The following SV2A variants were observed in gnomAD, a reference collection of about 807,000 sequenced individuals.
SV2A encodes the protein solute carrier family 22 member B1.
SV2A carries 25 observed loss-of-function variants against 78.0 expected under a neutral mutation model. That is an observed-to-expected ratio of 0.32 (90% CI 0.23 to 0.45). The LOEUF (loss-of-function observed/expected upper bound fraction) is 0.45. SV2A is among the 20% of genes least tolerant of loss of function. SV2A has a pLI of 1.00. For synonymous variants in SV2A, 355 were observed against 384.7 expected (o/e 0.92, Z 0.90); for missense variants, 752 against 971.5 (o/e 0.77, Z 3.00).
At chr1:149,909,148 C>A in intron 8 of SV2A, 44 bp downstream of exon 8, 1 of 1,586,808 alleles carries the variant, frequency 6.3e-7, no homozygotes, top group Admixed American at 1.7e-5. Flanking sequence ...AGCCCACACA[C>A]CACCACAACC....
intron 8 of SV2A, among the ~76,000 whole-genome samples, chr1:149,908,595 C>T (rs2092454242): frequency 6.6e-6 from 1 of 152,140 alleles, no homozygotes; most frequent in African/African-American, 2.4e-5. Context: ...TGCCCTTCCC[C>T]CACCCTTCTC....
In SV2A at chr1:149,910,496, C is replaced by T. The variant is rs2092468504; in HGVS notation, c.1089+74G>A. The T allele has an allele frequency of 1.4e-6, 2 of 1,469,796 alleles. No homozygotes were observed. Among genetic ancestry groups the T allele is most frequent in the Admixed American group, 2.6e-5 (1 of 37,972 alleles). 91.0% of individuals were successfully genotyped at this position (1,469,796 alleles called of 1,614,324 possible). A position where few individuals can be genotyped will look rare whatever the true frequency, so the allele number is the denominator to read the frequency against. ...AATCAAACTCCAGTTGGTGTTTGAACACAGAAGCCCCTGCTGCCGTCCACA... is the reference window on the plus strand; with the variant it reads ...AATCAAACTCCAGTTGGTGTTTGAATACAGAAGCCCCTGCTGCCGTCCACA... On this transcript the variant is annotated intron_variant, in intron 5 of 12. Coordinates refer to ENST00000369146, the MANE Select transcript of SV2A (RefSeq NM_014849.5). This position sits in a 1 kb window ranked among gnomAD's most constrained non-coding sequence, Gnocchi z 4.2.
In SV2A at chr1:149,913,963, A is replaced by C. The variant is rs1348811689; in HGVS notation, c.-123T>G. The C allele has an allele frequency of 1.1e-5, 16 of 1,435,534 alleles. No individual in the cohort carries two copies. Among genetic ancestry groups the C allele is most frequent in the African/African-American group, 1.4e-5 (1 of 70,214 alleles). The allele number at this position is 1,435,534 out of a possible 1,614,324, so 88.9% of individuals were successfully genotyped here. A position where few individuals can be genotyped will look rare whatever the true frequency, so the allele number is the denominator to read the frequency against. ...CAGTTACTTAGATGAAGCGTGTTCCAGTATCTCTGGGCACAAAAAAAAGAG... is the reference window on the plus strand; with the variant it reads ...CAGTTACTTAGATGAAGCGTGTTCCCGTATCTCTGGGCACAAAAAAAAGAG... On this transcript the variant is annotated 5_prime_UTR_variant, in exon 2 of 13. Transcript: ENST00000369146.
At chr1:149,906,617 A>T in intron 11 of SV2A, 33 bp downstream of exon 11, 2 of 1,610,716 alleles carry the variant, frequency 1.2e-6, no homozygotes, top group Non-Finnish European at 1.7e-6. Flanking sequence ...CCTGGCCCCT[A>T]CTATCAGATC....
chr1:149,910,823 C>T lies in SV2A; in HGVS notation c.955+3G>A. Reference sequence around the variant, plus strand: ...CTGGGGTGGATTTCCGGGGGCTGCTCACCATAGTGGGGGATGATGGCCCAG... The same window carrying T: ...CTGGGGTGGATTTCCGGGGGCTGCTTACCATAGTGGGGGATGATGGCCCAG... On this transcript the variant is annotated splice_donor_region_variant and intron_variant, in intron 4 of 12. Coordinates refer to ENST00000369146, the MANE Select transcript of SV2A (RefSeq NM_014849.5). The surrounding 1 kb of genome is among the most constrained non-coding windows in gnomAD (Gnocchi z 4.2). 1 of 1,613,682 alleles carries T rather than the reference C, an allele frequency of 6.2e-7. No individual in the cohort carries two copies. The highest frequency in any genetic ancestry group is 8.5e-7 in the Non-Finnish European group (1 of 1,179,674).
At chr1:149,908,716 C>T (rs1340453621) in intron 8 of SV2A, among the ~76,000 whole-genome samples, 1 of 152,316 alleles carries the variant, frequency 6.6e-6, no homozygotes, top group East Asian at 1.9e-4. Context: ...CGACTCACTG[C>T]AACCTCTGCC....
chr1:149,907,637 G>C (rs182089772), intron 10 of SV2A, 63 bp downstream of exon 10: 9 of 1,565,428 alleles, frequency 5.7e-6, no homozygotes, highest in East Asian at 2.3e-5. Context: ...AATGAAAAAG[G>C]TTCCTTCTCA....
rs781795785 is a variant in SV2A at position 149,913,844 on chromosome 1, G to A, written c.-4C>T. 5 of 1,595,990 alleles carry A rather than the reference G, an allele frequency of 3.1e-6. No individual in the cohort carries two copies. The highest frequency in any genetic ancestry group is 4.3e-6 in the Non-Finnish European group (5 of 1,169,138). Reference sequence around the variant, plus strand: ...GGTCTCGGAAGCCCTCTTCCATGATGGGGCTTGGGGCACTTCACTGGGTCT... The same window carrying A: ...GGTCTCGGAAGCCCTCTTCCATGATAGGGCTTGGGGCACTTCACTGGGTCT... On this transcript the variant is annotated 5_prime_UTR_variant, in exon 2 of 13. Coordinates refer to ENST00000369146, the MANE Select transcript of SV2A (RefSeq NM_014849.5).
chr1:149,910,514 C>A lies in SV2A; in HGVS notation c.1089+56G>T. The A allele has an allele frequency of 6.6e-7, 1 of 1,506,056 alleles. No individual in the cohort carries two copies. Among genetic ancestry groups the A allele is most frequent in the South Asian group, 1.3e-5 (1 of 75,118 alleles). 93.3% of individuals were successfully genotyped at this position (1,506,056 alleles called of 1,614,324 possible). A position where few individuals can be genotyped will look rare whatever the true frequency, so the allele number is the denominator to read the frequency against. On this transcript the variant is annotated intron_variant, in intron 5 of 12. Transcript: ENST00000369146. This position sits in a 1 kb window ranked among gnomAD's most constrained non-coding sequence, Gnocchi z 4.2. The stretch of plus-strand genomic sequence containing the variant: ...GTTTGAACACAGAAGCCCCTGCTGC[C>A]GTCCACACTCCACAGCCCGCACCCC...
Position 149,913,847 on chromosome 1 carries a change from G to C in SV2A, c.-7C>G, listed in dbSNP as rs782446876. On this transcript the variant is annotated 5_prime_UTR_variant, in exon 2 of 13. Transcript: ENST00000369146. ...CTCGGAAGCCCTCTTCCATGATGGG[G>C]CTTGGGGCACTTCACTGGGTCTTCT... is the stretch of plus-strand genomic sequence containing the variant. 1.9e-5 allele frequency: 31 copies of C among 1,596,000 alleles called. No homozygotes were observed. In the African/African-American group the frequency reaches 3.0e-4, roughly 15 times the overall value.
At position 149,910,613 on chromosome 1, in the gene SV2A, C is replaced by G. The variant is rs782116542; in HGVS notation, c.1046G>C (p.Gly349Ala). 9.4e-5 allele frequency: 151 copies of G among 1,613,162 alleles called. 1 individual carries two copies. The South Asian group carries it at 1.6e-3, about 18-fold the overall frequency. ...GCTCTCAGGCTGCGTGGTCAGAGCC[C>G]CAATGGCAAACACAGAAGGAAAGGC... ...VCAFPSVFAI[G>A]ALTTQPESPR... Residue 349 changes from glycine to alanine, a missense_variant, in exon 5 of 13, where the codon GGG (glycine) becomes GCG (alanine). Physicochemically the swap from Gly to Ala is moderately conservative, Grantham distance 60. Transcript: ENST00000369146. This position sits in a 1 kb window ranked among gnomAD's most constrained non-coding sequence, Gnocchi z 4.2.
intron 1 of SV2A, among the ~76,000 whole-genome samples, chr1:149,917,283 G>GCCCCCCC (rs587740146): frequency 6.7e-6 from 1 of 149,734 alleles, no homozygotes; most frequent in African/African-American, 2.5e-5. Context: ...TTCTTCCCCT[G>GCCCCCCC]CCCCCCACCC....
chr1:149,909,474 C>A lies in SV2A; in HGVS notation c.1277G>T (p.Ser426Ile). 6.2e-7 allele frequency: 1 copy of A among 1,613,846 alleles called. No individual in the cohort carries two copies. Among genetic ancestry groups the A allele is most frequent in the Non-Finnish European group, 8.5e-7 (1 of 1,179,884 alleles). ...WYQRWGVRALSLGGQVWGNFL... is the reference protein window; with the variant it reads ...WYQRWGVRALILGGQVWGNFL... The stretch of plus-strand genomic sequence containing the variant: ...GTCCACCATTACCTGCCCCCCTAGG[C>A]TCAAGGCCCGGACCCCCCAGCGCTG... Residue 426 changes from serine (S) to isoleucine (I), a missense_variant, in exon 7 of 13, where the codon AGC becomes ATC. Ser to Ile is a moderately radical substitution (Grantham distance 142). Transcript: ENST00000369146.
intron 1 of SV2A, among the ~76,000 whole-genome samples, chr1:149,914,488 A>G (rs1261858957): frequency 6.6e-6 from 1 of 152,190 alleles, no homozygotes; most frequent in Non-Finnish European, 1.5e-5. Context: ...GCAAAGAACT[A>G]AACAGGAAAT....
chr1:149,915,733 TG>T (rs2092508367), intron 1 of SV2A, among the ~76,000 whole-genome samples: 1 of 152,128 alleles, frequency 6.6e-6, no homozygotes, highest in African/African-American at 2.4e-5. Context: ...AAAGGGGGTT[TG>T]GGTGTCCCCC....
In SV2A at chr1:149,910,548, C is replaced by G. The variant is rs1553763560; in HGVS notation, c.1089+22G>C. The G allele has an allele frequency of 6.3e-7, 1 of 1,587,494 alleles. No individual in the cohort carries two copies. Among genetic ancestry groups the G allele is most frequent in the South Asian group, 1.1e-5 (1 of 87,026 alleles). On this transcript the variant is annotated intron_variant, in intron 5 of 12. Coordinates refer to ENST00000369146, the MANE Select transcript of SV2A (RefSeq NM_014849.5). The surrounding 1 kb of genome is among the most constrained non-coding windows in gnomAD (Gnocchi z 4.2). ...TCCACAGCCCGCACCCCACCCCACC[C>G]CATGCAGCTCAGCCCCATCACCTCT...
In SV2A at chr1:149,906,668, C is replaced by A; in HGVS notation, c.1867G>T (p.Gly623Cys). The change falls in exon 11 of 13, where the codon GGC (glycine) becomes TGC (cysteine). Residue 623 changes from glycine (G) to cysteine (C), a missense_variant. Transcript: ENST00000369146. ...CCCTTACCAAGCATTCTGAGCCTGC[C>A]GATCTTGTCCATGAGCAGGGCAGAC... ...IVSALLMDKI[G>C]RLRMLAGSSV... 1 of 1,614,156 alleles carries A rather than the reference C, an allele frequency of 6.2e-7. No homozygotes were observed. The highest frequency in any genetic ancestry group is 8.5e-7 in the Non-Finnish European group (1 of 1,180,028).
rs1487219041 is a variant in SV2A, at chr1:149,913,407, C to G, written c.434G>C (p.Arg145Pro). 5.0e-6 allele frequency: 8 copies of G among 1,614,020 alleles called. No individual in the cohort carries two copies. Among genetic ancestry groups the G allele is most frequent in the Non-Finnish European group, 6.8e-6 (8 of 1,180,036 alleles). ...TTCATACTGTTGGGCCAGTTCTTCT[C>G]GTTCTTTCCGTCGTTGTGCCTCCCC... is the stretch of plus-strand genomic sequence containing the variant. ...GRGEAQRRKE[R>P]EELAQQYEAI... Residue 145 changes from arginine (R) to proline (P), a missense_variant, in exon 2 of 13, where the codon CGA becomes CCA. This residue lies in a region of SV2A where 291 missense variants were observed against 359.5 expected (regional missense o/e 0.81). Coordinates refer to ENST00000369146, the MANE Select transcript of SV2A (RefSeq NM_014849.5).
chr1:149,914,996 G>A (rs1052032011), intron 1 of SV2A, among the ~76,000 whole-genome samples: 1 of 152,146 alleles, frequency 6.6e-6, no homozygotes, highest in Non-Finnish European at 1.5e-5. Context: ...GTGAGCAGCA[G>A]GAAGGGACAC....
Sources: allele counts gnomAD v4.1 joint callset (sites outside exome capture counted in the v4.1 genomes callset), GRCh38; gene constraint gnomAD v4.1.1; regional missense constraint gnomAD v4.1.1; non-coding constraint Gnocchi (gnomAD v3.1); transcripts MANE v1.5; gene names NCBI Gene and HGNC (gene_info 2026-07-23, HGNC 2026-07-21).